ST7: variants seen among roughly 807,000 people sequenced by gnomAD.
ST7 encodes the protein suppressor of tumorigenicity 7 protein.
ST7 carries 28 observed loss-of-function variants against 78.7 expected under a neutral mutation model. The observed-to-expected ratio is 0.36, with a 90% CI of 0.26 to 0.49. The LOEUF (loss-of-function observed/expected upper bound fraction) is 0.49, where lower values mean the gene tolerates loss of function less well. Ranked by LOEUF, ST7 falls within the 20% of genes least tolerant of loss-of-function variation. The probability of loss-of-function intolerance (pLI) is 0.99; values close to 1 mark genes in which losing one functional copy is unlikely to be tolerated. For synonymous variants in ST7, 247 were observed against 249.6 expected, an observed-to-expected ratio of 0.99 and a Z score of 0.10; for missense variants, 418 against 696.0, an observed-to-expected ratio of 0.60 and a Z score of 4.49.
intron 1 of ST7, among the ~76,000 whole-genome samples, chr7:117,080,191 A>G (rs1324440407): frequency 6.6e-6 from 1 of 151,746 alleles, no homozygotes; most frequent in Non-Finnish European, 1.5e-5. Context: ...CGTTTTAGCC[A>G]GGATGGTCTC....
At chr7:117,040,461 C>T (rs977749493) in intron 1 of ST7, among the ~76,000 whole-genome samples, 5 of 152,102 alleles carry the variant, frequency 3.3e-5, no homozygotes, top group African/African-American at 9.7e-5. Context: ...TGTATATCTA[C>T]GTATAATGTA....
chr7:117,119,476 G>A, intron 2 of ST7, 85 bp from the exon 3 acceptor site: 1 of 1,283,432 alleles, frequency 7.8e-7, no homozygotes. Context: ...GGTGGAATTA[G>A]TAAATGTAAC....
rs529800732 is a variant in ST7, at chr7:116,996,191, C to T, written c.151+42500C>T. Among the ~76,000 whole-genome samples, 283 of 151,014 alleles carry T rather than the reference C, an allele frequency of 1.9e-3. 3 individuals are homozygous for T. In the Middle Eastern group the frequency reaches 0.021, roughly 11 times the overall value. On this transcript the variant is annotated intron_variant, in intron 1 of 15. Coordinates refer to ENST00000323984, the MANE Select transcript of ST7 (RefSeq NM_001369598.1). The stretch of plus-strand genomic sequence containing the variant: ...CCACCTCCTGGGTTCAAGTGATTCT[C>T]CTTCCTCAGCCTCCCGAGTAGCTGG...
At position 117,136,090 on chromosome 7, in the gene ST7, T is replaced by C; in HGVS notation, c.720T>C (p.Thr240=). The change falls in exon 8 of 16, where the codon ACT becomes ACC. Residue 240 remains threonine, a synonymous_variant. Coordinates refer to ENST00000323984, the MANE Select transcript of ST7 (RefSeq NM_001369598.1). The part of the protein sequence containing the change: ...WEIKLLPKCA[T]AYILLAEEEA... Reference sequence around the variant, plus strand: ...TTATCTGAATGAACAGGTGTGCAACTGCTTATATTCTCTTGGCTGAAGAGG... The same window carrying C: ...TTATCTGAATGAACAGGTGTGCAACCGCTTATATTCTCTTGGCTGAAGAGG... 1 of 1,613,332 alleles carries C rather than the reference T, an allele frequency of 6.2e-7. No homozygotes were observed. The highest frequency in any genetic ancestry group is 1.1e-5 in the South Asian group (1 of 91,048).
chr7:117,134,941 C>T (rs575866035), intron 7 of ST7, among the ~76,000 whole-genome samples: 1 of 152,146 alleles, frequency 6.6e-6, no homozygotes, highest in South Asian at 2.1e-4. Context: ...TAACTAGTAG[C>T]CCCAGCCCTT....
Position 117,138,488 on chromosome 7 carries a change from A to T in ST7, c.919A>T (p.Arg307Ter), listed in dbSNP as rs1804987071. The T allele has an allele frequency of 6.2e-7, 1 of 1,609,858 alleles. No individual in the cohort carries two copies. Among genetic ancestry groups the T allele is most frequent in the African/African-American group, 1.3e-5 (1 of 74,750 alleles). ...YIKRRLAMCA[R>*]RLGRTREAVK... ...CAAAAGAAGGCTAGCAATGTGTGCC[A>T]GAAGACTCGGGAGGACCAGGGAAGC... The change falls in exon 9 of 16, where the codon AGA becomes TGA. Residue 307 changes from arginine (R) to a stop codon, truncating the protein, a stop_gained. Coordinates refer to ENST00000323984, the MANE Select transcript of ST7 (RefSeq NM_001369598.1). LOFTEE classifies it high-confidence loss of function.
Position 117,136,137 on chromosome 7 carries a change from C to T in ST7, c.767C>T (p.Ala256Val). ...AEEEATTIAE[A>V]EKLFKQALKA... ...GAGGAAGCAACAACCATTGCTGAAG[C>T]AGAAAAATTATTTAAGCAGGCCCTG... is the stretch of plus-strand genomic sequence containing the variant. Residue 256 changes from alanine to valine, a missense_variant, in exon 8 of 16, where the codon GCA becomes GTA. Around this residue, in one of 4 missense-constraint regions of ST7, gnomAD observed 288 missense variants for 537.1 expected, o/e 0.54. Coordinates refer to ENST00000323984, the MANE Select transcript of ST7 (RefSeq NM_001369598.1). The T allele has an allele frequency of 1.9e-6, 3 of 1,613,588 alleles. No homozygotes were observed. Among genetic ancestry groups the T allele is most frequent in the Non-Finnish European group, 2.5e-6 (3 of 1,179,672 alleles).
chr7:117,198,361 G>T (rs1320875214), intron 12 of ST7: 2 of 455,984 alleles, frequency 4.4e-6, no homozygotes, highest in Non-Finnish European at 8.8e-6. Context: ...TGCATTAACA[G>T]GTGCTTCTTG....
chr7:117,117,389 G>A (rs1480752636), intron 2 of ST7, among the ~76,000 whole-genome samples: 1 of 152,090 alleles, frequency 6.6e-6, no homozygotes, highest in Non-Finnish European at 1.5e-5. Context: ...TGATTGGTGT[G>A]GAACATGTAG....
At chr7:116,993,978 A>T (rs1794537829) in intron 1 of ST7, among the ~76,000 whole-genome samples, 1 of 152,228 alleles carries the variant, frequency 6.6e-6, no homozygotes. Context: ...CTAATTTCTT[A>T]GTTTTCTTTT....
chr7:117,003,287 A>T (rs527670607), intron 1 of ST7, among the ~76,000 whole-genome samples: 106 of 151,644 alleles, frequency 7.0e-4, no homozygotes, highest in Middle Eastern at 6.8e-3. Context: ...GTGCACCACC[A>T]TACCTGGCTA....
chr7:117,181,386 G>A (rs976847662), intron 10 of ST7, among the ~76,000 whole-genome samples: 1 of 152,182 alleles, frequency 6.6e-6, no homozygotes, highest in Non-Finnish European at 1.5e-5. Flanking sequence ...ATAGTGACAA[G>A]GACATGGTAT....
chr7:117,003,189 C>T (rs112999497), intron 1 of ST7, among the ~76,000 whole-genome samples: 33,490 of 151,502 alleles, frequency 0.22, 4,478 homozygotes, highest in Middle Eastern at 0.34. Context: ...CTTACTCTGT[C>T]GCCCAGGCTA....
chr7:117,061,983 T>C (rs1335041282), intron 1 of ST7, among the ~76,000 whole-genome samples: 1 of 152,180 alleles, frequency 6.6e-6, no homozygotes, highest in Non-Finnish European at 1.5e-5. Context: ...CAGGAATTTC[T>C]TTCTCACAGT....
chr7:117,213,524 A>G (rs139864596), intron 13 of ST7, among the ~76,000 whole-genome samples: 5 of 152,120 alleles, frequency 3.3e-5, no homozygotes, highest in Admixed American at 3.3e-4. Context: ...TAATTAGTGG[A>G]CTTAAGTGAG....
At chr7:116,988,255 A>T (rs955700246) in intron 1 of ST7, among the ~76,000 whole-genome samples, 2 of 152,226 alleles carry the variant, frequency 1.3e-5, no homozygotes, top group Non-Finnish European at 2.9e-5. Context: ...CTTGGAGGTC[A>T]GAGTGTTTAC....
intron 1 of ST7, among the ~76,000 whole-genome samples, chr7:117,011,565 G>A (rs983643660): frequency 8.5e-5 from 13 of 152,174 alleles, no homozygotes; most frequent in East Asian, 1.9e-4. Context: ...ATGAGTGGCC[G>A]TGTTGGCTAG....
chr7:117,162,970 T>C (rs774287589), intron 9 of ST7, among the ~76,000 whole-genome samples: 1 of 152,216 alleles, frequency 6.6e-6, no homozygotes, highest in African/African-American at 2.4e-5. Context: ...TTCTACTTTT[T>C]AGTTCTAGGA....
At chr7:117,015,846 G>A (rs1795588102) in intron 1 of ST7, among the ~76,000 whole-genome samples, 1 of 152,126 alleles carries the variant, frequency 6.6e-6, no homozygotes, top group Non-Finnish European at 1.5e-5. Context: ...AAAGAACGAA[G>A]AATTGGAAAA....
Sources: gnomAD v4.1 joint callset for allele counts (sites outside exome capture counted in the v4.1 genomes callset) on GRCh38, gnomAD v4.1.1 for gene constraint, gnomAD v4.1.1 regional missense constraint, MANE v1.5 for transcripts, NCBI Gene and HGNC (gene_info 2026-07-23, HGNC 2026-07-21) for gene names.